The following PLXDC2 variants were observed in gnomAD, a reference collection of about 807,000 sequenced individuals.
PLXDC2 encodes plexin domain-containing protein 2.
In PLXDC2, 40 loss-of-function variants were observed where a neutral mutation model predicts 68.9. That is an observed-to-expected ratio of 0.58 (90% CI 0.45 to 0.76). The LOEUF (loss-of-function observed/expected upper bound fraction) is 0.76. PLXDC2 is among the 30% of genes least tolerant of loss of function. The pLI is 0.00. For synonymous variants in PLXDC2, 243 were observed against 234.2 expected (o/e 1.04, Z -0.34); for missense variants, 644 against 661.9 (o/e 0.97, Z 0.30).
intron 1 of PLXDC2, among the ~76,000 whole-genome samples, chr10:19,886,220 G>A (rs916460347): frequency 6.6e-5 from 10 of 152,200 alleles, no homozygotes; most frequent in African/African-American, 2.4e-4. Context: ...CTGAGACTTC[G>A]CTGAAGTTGC....
At position 20,082,046 on chromosome 10, in the gene PLXDC2, AAAAAAAAAAAAAAAAATC is replaced by A. The variant is rs1382285602; in HGVS notation, c.541+13820_541+13837del. Among the ~76,000 whole-genome samples the A allele has an allele frequency of 5.4e-5, 6 of 110,186 alleles. 1 individual carries two copies. The highest frequency in any genetic ancestry group is 2.7e-4 in the Admixed American group (3 of 10,976). The allele number at this position is 110,186 out of a possible 152,430, so 72.3% of individuals were successfully genotyped here. A position where few individuals can be genotyped will look rare whatever the true frequency, so the allele number is the denominator to read the frequency against. On this transcript the variant is annotated intron_variant, in intron 4 of 13. Coordinates refer to ENST00000377252, the MANE Select transcript of PLXDC2 (RefSeq NM_032812.9). ...AGTGACAAGAGTGAAACTCCATCTGAAAAAAAAAAAAAAAAATCAAAAAAAAAAAACAGGAGAAGTCTG... is the reference window on the plus strand; with the variant it reads ...AGTGACAAGAGTGAAACTCCATCTGAAAAAAAAAAAAACAGGAGAAGTCTG...
Position 19,917,015 on chromosome 10 carries a change from T to C in PLXDC2, c.113-84760T>C, listed in dbSNP as rs377559287. Among the ~76,000 whole-genome samples the C allele has an allele frequency of 4.9e-4, 75 of 152,310 alleles. 1 individual carries two copies. In the East Asian group the frequency reaches 0.012, roughly 25 times the overall value. ...AAAAGAGTTTGAAGACCATTCTTTATAAAAGGCTCACTGGTAGGTGTGGCT... is the reference window on the plus strand; with the variant it reads ...AAAAGAGTTTGAAGACCATTCTTTACAAAAGGCTCACTGGTAGGTGTGGCT... On this transcript the variant is annotated intron_variant, in intron 1 of 13. Transcript: ENST00000377252.
At chr10:19,925,054 G>C (rs1833517240) in intron 1 of PLXDC2, among the ~76,000 whole-genome samples, 1 of 152,342 alleles carries the variant, frequency 6.6e-6, no homozygotes, top group South Asian at 2.1e-4. Flanking sequence ...AACTGTGACT[G>C]TATAGAATAT....
At chr10:20,224,056 C>T (rs1223174774) in intron 12 of PLXDC2, among the ~76,000 whole-genome samples, 1 of 151,400 alleles carries the variant, frequency 6.6e-6, no homozygotes, top group African/African-American at 2.4e-5. Context: ...CTCACTGCAA[C>T]CTCCACCTTT....
At position 19,924,183 on chromosome 10, in the gene PLXDC2, C is replaced by T. The variant is rs77079449; in HGVS notation, c.113-77592C>T. Among the ~76,000 whole-genome samples the T allele has an allele frequency of 8.1e-3, 1,241 of 152,314 alleles. 8 individuals are homozygous for T. Among genetic ancestry groups the T allele is most frequent in the Non-Finnish European group, 0.015 (1,017 of 68,036 alleles). The stretch of plus-strand genomic sequence containing the variant: ...TCAGTCAGACTCCTGACTGGGACCC[C>T]TCACGGGCTTATTCCTGTGAATTAA... On this transcript the variant is annotated intron_variant, in intron 1 of 13. Transcript: ENST00000377252.
rs1836131052 is a variant in PLXDC2, at chr10:20,284,841, G to A, written c.*5022G>A. 6.6e-6 allele frequency: 1 copy of A among 152,108 alleles called. No homozygotes were observed. The highest frequency in any genetic ancestry group is 2.4e-5 in the African/African-American group (1 of 41,412). 9.4% of individuals were successfully genotyped at this position (152,108 alleles called of 1,614,324 possible). ...CTATATTGACAATCTGCTCTGTTCT[G>A]TAATATAGAACATTGGATCAATCTT... is the stretch of plus-strand genomic sequence containing the variant. On this transcript the variant is annotated 3_prime_UTR_variant, in exon 14 of 14. Transcript: ENST00000377252.
At chr10:19,995,351 C>T (rs1026205399) in intron 1 of PLXDC2, among the ~76,000 whole-genome samples, 2 of 152,162 alleles carry the variant, frequency 1.3e-5, no homozygotes, top group African/African-American at 2.4e-5. Context: ...TTTCCACACA[C>T]GGTATGCATT....
At position 20,223,312 on chromosome 10, in the gene PLXDC2, AT is replaced by A. The variant is rs58086408; in HGVS notation, c.1312+4228del. Reference sequence around the variant, plus strand: ...TAGTCCTTCTCTTTCACAGAATTGAATTTTTTTTTTTTTTTTTTGAGATGGA... The same window carrying A: ...TAGTCCTTCTCTTTCACAGAATTGAATTTTTTTTTTTTTTTTTGAGATGGA... On this transcript the variant is annotated intron_variant, in intron 12 of 13. Transcript: ENST00000377252. 4.3e-3 allele frequency among the ~76,000 whole-genome samples: 568 copies of A among 131,146 alleles called. 5 individuals are homozygous for A. The highest frequency in any genetic ancestry group is 0.014 in the African/African-American group (483 of 34,562). The allele number at this position is 131,146 out of a possible 152,430, so 86.0% of individuals were successfully genotyped here. A position where few individuals can be genotyped will look rare whatever the true frequency, so the allele number is the denominator to read the frequency against.
chr10:20,142,152 A>C (rs529569613), intron 4 of PLXDC2, among the ~76,000 whole-genome samples: 122 of 152,246 alleles, frequency 8.0e-4, no homozygotes, highest in African/African-American at 2.8e-3. Context: ...CTGCCAATGA[A>C]ATATTTATTC....
At chr10:19,849,228 T>C (rs1837069839) in intron 1 of PLXDC2, among the ~76,000 whole-genome samples, 1 of 152,178 alleles carries the variant, frequency 6.6e-6, no homozygotes, top group African/African-American at 2.4e-5. Flanking sequence ...ATAATTCAAA[T>C]GCATGTTTCT....
intron 4 of PLXDC2, among the ~76,000 whole-genome samples, chr10:20,093,664 A>G (rs772564166): frequency 7.9e-5 from 12 of 152,156 alleles, no homozygotes; most frequent in Non-Finnish European, 1.6e-4. Context: ...AACAAAAACC[A>G]GTTTATCTTG....
chr10:20,265,175 A>G (rs1835854450), intron 13 of PLXDC2, among the ~76,000 whole-genome samples: 1 of 152,210 alleles, frequency 6.6e-6, no homozygotes, highest in African/African-American at 2.4e-5. Context: ...AAGGGCATAA[A>G]TAAATTATTA....
intron 3 of PLXDC2, among the ~76,000 whole-genome samples, chr10:20,053,647 C>A (rs950507692): frequency 1.3e-5 from 2 of 152,128 alleles, no homozygotes; most frequent in African/African-American, 4.8e-5. Context: ...TTTGATTCAA[C>A]TGCCAGACAT....
At chr10:19,844,806 T>C (rs1836975166) in intron 1 of PLXDC2, among the ~76,000 whole-genome samples, 1 of 152,054 alleles carries the variant, frequency 6.6e-6, no homozygotes, top group African/African-American at 2.4e-5. Context: ...GGTCTTGCTA[T>C]GTTGTCCAGG....
intron 1 of PLXDC2, among the ~76,000 whole-genome samples, chr10:19,872,881 T>C (rs1837566208): frequency 6.6e-6 from 1 of 152,098 alleles, no homozygotes; most frequent in Admixed American, 6.5e-5. Context: ...TTTCTCTGGG[T>C]CTCCTTGAAG....
intron 9 of PLXDC2, among the ~76,000 whole-genome samples, chr10:20,203,697 A>G (rs1168153071): frequency 2.0e-5 from 3 of 152,050 alleles, no homozygotes; most frequent in Non-Finnish European, 4.4e-5. Context: ...ATACATACAT[A>G]TTAGGGCTAC....
At position 20,210,624 on chromosome 10, in the gene PLXDC2, G is replaced by A. The variant is rs908048872; in HGVS notation, c.1062-1045G>A. 4.6e-5 allele frequency among the ~76,000 whole-genome samples: 7 copies of A among 152,062 alleles called. No homozygotes were observed. The East Asian group carries it at 9.6e-4, about 21-fold the overall frequency. The stretch of plus-strand genomic sequence containing the variant: ...ACTGGGTGTCCCCAAGAAGATACTC[G>A]GGTTCCATGATTCACTAGAAAGACT... On this transcript the variant is annotated intron_variant, in intron 9 of 13. Coordinates refer to ENST00000377252, the MANE Select transcript of PLXDC2 (RefSeq NM_032812.9).
chr10:20,131,200 G>A (rs1434177284), intron 4 of PLXDC2, among the ~76,000 whole-genome samples: 1 of 138,036 alleles, frequency 7.2e-6, no homozygotes, highest in Non-Finnish European at 1.6e-5. Context: ...TCTGTTTTTT[G>A]TTCTGGTTTC....
At chr10:19,859,206 T>C (rs1016598450) in intron 1 of PLXDC2, among the ~76,000 whole-genome samples, 7 of 152,046 alleles carry the variant, frequency 4.6e-5, no homozygotes, top group Non-Finnish European at 8.8e-5. Flanking sequence ...ACCTCCAACA[T>C]TGGGGACCAG....
Sources: allele counts gnomAD v4.1 joint callset (sites outside exome capture counted in the v4.1 genomes callset), GRCh38; gene constraint gnomAD v4.1.1; transcripts MANE v1.5; gene names NCBI Gene and HGNC (gene_info 2026-07-23, HGNC 2026-07-21).